EDA2R: variants seen among roughly 807,000 people sequenced by gnomAD.
The protein encoded by EDA2R is ectodysplasin A2 receptor.
Under a neutral mutation model 20.1 loss-of-function variants are expected in EDA2R, and 26 were observed. The ratio of observed to expected loss-of-function variants is 1.30; its 90% CI spans 0.95 to 1.80. The LOEUF (loss-of-function observed/expected upper bound fraction) is 1.80, where lower values mean the gene tolerates loss of function less well. Among genes scored for constraint, EDA2R ranks in the 40% most tolerant of loss-of-function variants. The pLI, the probability that EDA2R is intolerant of heterozygous loss-of-function variation, is 0.00. For missense variants in EDA2R, 277 were observed against 228.7 expected, an observed-to-expected ratio of 1.21 and a Z score of -1.36; for synonymous variants, 114 against 88.7, an observed-to-expected ratio of 1.29 and a Z score of -1.60.
rs1927752696 is a variant in EDA2R, at chrX:66,597,942, A to C, written c.*162T>G. The C allele has an allele frequency of 1.4e-6, 1 of 716,493 alleles. No individual in the cohort carries two copies. The highest frequency in any genetic ancestry group is 2.2e-5 in the African/African-American group (1 of 44,786). 59.0% of individuals were successfully genotyped at this position (716,493 alleles called of 1,213,427 possible). ...CCAGATCAGTCCTTGTGAAATGGAG[A>C]ATCAATCCTCTGGTGGGATGGGATA... On this transcript the variant is annotated 3_prime_UTR_variant, in exon 7 of 7. Transcript: ENST00000374719.
At chrX:66,620,310 G>A (rs1443633242) in intron 1 of EDA2R, among the ~76,000 whole-genome samples, 2 of 111,194 alleles carry the variant, frequency 1.8e-5, no homozygotes, top group African/African-American at 6.5e-5. Flanking sequence ...TATGGTCAAT[G>A]GATTTTTTAA....
intron 2 of EDA2R, among the ~76,000 whole-genome samples, chrX:66,607,898 A>T (rs1448974114): frequency 1.8e-5 from 2 of 112,197 alleles, no homozygotes; most frequent in Non-Finnish European, 3.8e-5. Context: ...GAGGAAGCCC[A>T]GACATTGCAC....
rs770569017 is a variant in EDA2R, at chrX:66,617,322, G to A, written c.-10-1292C>T. Among the ~76,000 whole-genome samples the A allele has an allele frequency of 1.1e-3, 124 of 111,803 alleles. 1 individual carries two copies. The highest frequency in any genetic ancestry group is 4.7e-3 in the Middle Eastern group (1 of 215). ...CATTCCTTCATTCAAAGGAAAGTGG[G>A]CTACAAGATCCATGCTTGCATAAGA... is the stretch of plus-strand genomic sequence containing the variant. On this transcript the variant is annotated intron_variant, in intron 1 of 6. Coordinates refer to ENST00000374719, the MANE Select transcript of EDA2R (RefSeq NM_021783.5).
rs909109533 is a variant in EDA2R, at chrX:66,596,297, A to G, written c.*1807T>C. On this transcript the variant is annotated 3_prime_UTR_variant, in exon 7 of 7. Transcript: ENST00000374719. Reference sequence around the variant, plus strand: ...AGAACTCTCCTGAAGCAAATACTCAACTATGGTATTTGCCATGGCCAAACA... The same window carrying G: ...AGAACTCTCCTGAAGCAAATACTCAGCTATGGTATTTGCCATGGCCAAACA... 1.8e-5 allele frequency: 2 copies of G among 111,146 alleles called. No homozygotes were observed. The highest frequency in any genetic ancestry group is 3.8e-5 in the Non-Finnish European group (2 of 53,108). The allele number at this position is 111,146 out of a possible 1,213,427, so 9.2% of individuals were successfully genotyped here.
At chrX:66,630,592 C>CTCAA (rs1339042247) in intron 1 of EDA2R, among the ~76,000 whole-genome samples, 1 of 111,070 alleles carries the variant, frequency 9.0e-6, no homozygotes, top group Non-Finnish European at 1.9e-5. Context: ...TGAAAAAATG[C>CTCAA]TCAACATCTC....
intron 2 of EDA2R, among the ~76,000 whole-genome samples, chrX:66,611,842 C>T (rs1228606706): frequency 9.1e-6 from 1 of 109,948 alleles, no homozygotes; most frequent in Non-Finnish European, 1.9e-5. Flanking sequence ...TGAACAGATC[C>T]CAAACAGAAA....
chrX:66,623,300 C>T (rs1245278231), intron 1 of EDA2R, among the ~76,000 whole-genome samples: 1 of 111,896 alleles, frequency 8.9e-6, no homozygotes, highest in Non-Finnish European at 1.9e-5. Flanking sequence ...CAGAGAGAAT[C>T]TGTTGAGGGA....
At chrX:66,609,278 C>G (rs778468056) in intron 2 of EDA2R, among the ~76,000 whole-genome samples, 165 of 111,757 alleles carry the variant, frequency 1.5e-3, no homozygotes, top group African/African-American at 5.2e-3. Context: ...ATTACCTGAA[C>G]TAACATTTAA....
rs942742810 is a variant in EDA2R, at chrX:66,597,331, T to C, written c.*773A>G. On this transcript the variant is annotated 3_prime_UTR_variant, in exon 7 of 7. Transcript: ENST00000374719. ...AGAAAGAGGCATACTCAGATGTCCC[T>C]ACATGGATTGAGGGCTGTCTTTGAG... 1 of 112,276 alleles carries C rather than the reference T, an allele frequency of 8.9e-6. No individual in the cohort carries two copies. Among genetic ancestry groups the C allele is most frequent in the Admixed American group, 9.4e-5 (1 of 10,603 alleles). The allele number at this position is 112,276 out of a possible 1,213,427, so 9.3% of individuals were successfully genotyped here. A position where few individuals can be genotyped will look rare whatever the true frequency, so the allele number is the denominator to read the frequency against.
intron 5 of EDA2R, among the ~76,000 whole-genome samples, chrX:66,602,337 C>A (rs895743942): frequency 9.0e-6 from 1 of 111,092 alleles, no homozygotes; most frequent in Middle Eastern, 4.7e-3. Flanking sequence ...GACATAGAAC[C>A]TAGGTCTCCC....
Position 66,605,106 on chromosome X carries a change from C to T in EDA2R, c.208G>A (p.Val70Ile), listed in dbSNP as rs1929417916. ...GTAGCTGTGCAGTTGACCTTCTGAA[C>T]ACGATTGATGACAGCACAGGTGATG... is the stretch of plus-strand genomic sequence containing the variant. ...SCITCAVINR[V>I]QKVNCTATSN... Residue 70 changes from valine (V) to isoleucine (I), a missense_variant, in exon 3 of 7, where the codon GTT becomes ATT. Transcript: ENST00000374719. The T allele has an allele frequency of 2.5e-6, 3 of 1,209,394 alleles. No individual in the cohort carries two copies. Among genetic ancestry groups the T allele is most frequent in the Non-Finnish European group, 3.4e-6 (3 of 894,417 alleles).
chrX:66,610,807 A>T (rs888325738), intron 2 of EDA2R, among the ~76,000 whole-genome samples: 4 of 111,434 alleles, frequency 3.6e-5, no homozygotes, highest in African/African-American at 1.3e-4. Flanking sequence ...TTGGCCTGAG[A>T]AGCCTCTTCC....
intron 1 of EDA2R, among the ~76,000 whole-genome samples, chrX:66,631,615 A>C (rs961981728): frequency 9.0e-6 from 1 of 111,625 alleles, no homozygotes; most frequent in African/African-American, 3.3e-5. Context: ...GTGCATTTTA[A>C]ATAATGGTTT....
intron 2 of EDA2R, among the ~76,000 whole-genome samples, chrX:66,607,471 G>T (rs1929899469): frequency 9.0e-6 from 1 of 110,957 alleles, no homozygotes; most frequent in African/African-American, 3.3e-5. Context: ...AAAATTAGTT[G>T]GGAATGGTGG....
Position 66,619,609 on chromosome X carries a change from G to A in EDA2R, c.-10-3579C>T, listed in dbSNP as rs191638060. 7.3e-4 allele frequency among the ~76,000 whole-genome samples: 81 copies of A among 111,455 alleles called. 1 individual carries two copies. The highest frequency in any genetic ancestry group is 2.3e-3 in the African/African-American group (71 of 30,609). ...CTGAGGGTTGGGGAGAGGAAGGGAA[G>A]TGGCAGATGCCTCTTGTCTCAATCC... On this transcript the variant is annotated intron_variant, in intron 1 of 6. Transcript: ENST00000374719.
Position 66,596,972 on chromosome X carries a change from G to A in EDA2R, c.*1132C>T, listed in dbSNP as rs903647261. On this transcript the variant is annotated 3_prime_UTR_variant, in exon 7 of 7. Coordinates refer to ENST00000374719, the MANE Select transcript of EDA2R (RefSeq NM_021783.5). ...TGGTTGCCCCAGGGGCCCTTAATCA[G>A]TGTTTGTAGATGGATGAACCCAAAA... 8.9e-6 allele frequency: 1 copy of A among 112,667 alleles called. No individual in the cohort carries two copies. Among genetic ancestry groups the A allele is most frequent in the African/African-American group, 3.2e-5 (1 of 31,040 alleles). 9.3% of individuals were successfully genotyped at this position (112,667 alleles called of 1,213,427 possible). A position where few individuals can be genotyped will look rare whatever the true frequency, so the allele number is the denominator to read the frequency against.
rs140606600 is a variant in EDA2R at position 66,630,326 on chromosome X, C to T, written c.-11+8669G>A. 8.8e-3 allele frequency among the ~76,000 whole-genome samples: 984 copies of T among 111,427 alleles called. 10 individuals are homozygous for T. The highest frequency in any genetic ancestry group is 0.031 in the African/African-American group (944 of 30,705). Reference sequence around the variant, plus strand: ...AACCCAAAAGCAAATGCAATAAAAACAAAGATAAATAGCCGGGACCTAATT... The same window carrying T: ...AACCCAAAAGCAAATGCAATAAAAATAAAGATAAATAGCCGGGACCTAATT... On this transcript the variant is annotated intron_variant, in intron 1 of 6. Transcript: ENST00000374719.
chrX:66,615,636 G>A (rs771898435), intron 2 of EDA2R, among the ~76,000 whole-genome samples: 46 of 111,279 alleles, frequency 4.1e-4, no homozygotes, highest in African/African-American at 1.4e-3. Context: ...ATGTGGTTGG[G>A]CCTTGCTTTA....
intron 1 of EDA2R, among the ~76,000 whole-genome samples, chrX:66,624,859 C>T (rs1427541619): frequency 8.9e-6 from 1 of 112,282 alleles, no homozygotes; most frequent in South Asian, 3.7e-4. Context: ...GGGAGATCCT[C>T]CATTCCTTAA....
Sources: gnomAD v4.1 joint callset for allele counts (sites outside exome capture counted in the v4.1 genomes callset) on GRCh38, gnomAD v4.1.1 for gene constraint, MANE v1.5 for transcripts, NCBI Gene and HGNC (gene_info 2026-07-23, HGNC 2026-07-21) for gene names.